The following SUPT3H variants were observed in gnomAD, a reference collection of about 807,000 sequenced individuals.
The protein encoded by SUPT3H is SPT3 homolog, SAGA and STAGA complex component.
Under a neutral mutation model 44.3 loss-of-function variants are expected in SUPT3H, and 44 were observed. That is an observed-to-expected ratio of 0.99 (90% CI 0.78 to 1.28). The LOEUF (loss-of-function observed/expected upper bound fraction) is 1.28. Among genes scored for constraint, SUPT3H ranks in the 50% most tolerant of loss-of-function variants. The probability of loss-of-function intolerance (pLI) is 0.00; values close to 1 mark genes in which losing one functional copy is unlikely to be tolerated. For synonymous variants in SUPT3H, 124 were observed against 125.6 expected, an observed-to-expected ratio of 0.99 and a Z score of 0.09; for missense variants, 380 against 387.1, an observed-to-expected ratio of 0.98 and a Z score of 0.15.
chr6:45,318,204 A>G (rs978460972), intron 2 of SUPT3H, among the ~76,000 whole-genome samples: 1 of 152,140 alleles, frequency 6.6e-6, no homozygotes, highest in African/African-American at 2.4e-5. Context: ...CCACTATTAC[A>G]TACATGTATC....
chr6:45,289,499 T>C (rs1779945565), intron 2 of SUPT3H, among the ~76,000 whole-genome samples: 1 of 152,170 alleles, frequency 6.6e-6, no homozygotes, highest in African/African-American at 2.4e-5. Context: ...TTTAAAGTAA[T>C]TCATAATTTA....
chr6:44,887,035 T>G (rs1305369842), intron 10 of SUPT3H, among the ~76,000 whole-genome samples: 1 of 152,114 alleles, frequency 6.6e-6, no homozygotes, highest in Non-Finnish European at 1.5e-5. Flanking sequence ...CATTACATAA[T>G]GGTAAAGGGA....
chr6:45,065,822 T>C (rs1793193170), intron 3 of SUPT3H, among the ~76,000 whole-genome samples: 1 of 150,648 alleles, frequency 6.6e-6, no homozygotes, highest in African/African-American at 2.4e-5. Flanking sequence ...TAATCGATAG[T>C]TTACCAACCA....
intron 2 of SUPT3H, among the ~76,000 whole-genome samples, chr6:45,178,322 C>G (rs1812409007): frequency 6.6e-6 from 1 of 151,630 alleles, no homozygotes; most frequent in African/African-American, 2.4e-5. Context: ...GAGACAAGGC[C>G]ATTACATAAT....
intron 6 of SUPT3H, among the ~76,000 whole-genome samples, chr6:44,984,490 TG>T (rs1177278319): frequency 3.3e-5 from 5 of 152,152 alleles, no homozygotes; most frequent in African/African-American, 1.2e-4. Flanking sequence ...CCTTATAAAA[TG>T]AGAAATTTGT....
At chr6:45,180,997 A>G (rs1374350611) in intron 2 of SUPT3H, among the ~76,000 whole-genome samples, 4 of 151,484 alleles carry the variant, frequency 2.6e-5, no homozygotes, top group African/African-American at 9.7e-5. Context: ...TCCAGAATCT[A>G]CAATGAACTC....
At chr6:45,044,287 CT>C (rs929028291) in intron 3 of SUPT3H, among the ~76,000 whole-genome samples, 3 of 152,126 alleles carry the variant, frequency 2.0e-5, no homozygotes, top group Middle Eastern at 3.2e-3. Flanking sequence ...CCTTTGAATC[CT>C]TTATCAGGTT....
intron 3 of SUPT3H, among the ~76,000 whole-genome samples, chr6:45,044,803 T>A (rs1789117909): frequency 6.6e-6 from 1 of 152,130 alleles, no homozygotes; most frequent in African/African-American, 2.4e-5. Context: ...TTGGATGGGA[T>A]CTCTTCCAGT....
intron 10 of SUPT3H, among the ~76,000 whole-genome samples, chr6:44,914,777 CA>C (rs1265048063): frequency 2.0e-5 from 3 of 152,260 alleles, no homozygotes; most frequent in Non-Finnish European, 2.9e-5. Flanking sequence ...TACAAATAAA[CA>C]AAAGTATTGT....
intron 10 of SUPT3H, among the ~76,000 whole-genome samples, chr6:44,870,861 C>CAAGGGG (rs1776311753): frequency 6.6e-6 from 1 of 151,792 alleles, no homozygotes; most frequent in African/African-American, 2.4e-5. Context: ...AGGGAGTTCC[C>CAAGGGG]TTTCCGAGTC....
intron 2 of SUPT3H, among the ~76,000 whole-genome samples, chr6:45,219,106 A>G (rs1485775397): frequency 6.6e-6 from 1 of 152,124 alleles, no homozygotes; most frequent in African/African-American, 2.4e-5. Flanking sequence ...AGCTAAAATC[A>G]AGAGGAAAAA....
chr6:44,865,282 A>C (rs1775324137), intron 10 of SUPT3H, among the ~76,000 whole-genome samples: 1 of 152,106 alleles, frequency 6.6e-6, no homozygotes, highest in South Asian at 2.1e-4. Flanking sequence ...ACTTTCCTAC[A>C]TTTTCCTGTC....
chr6:45,117,275 A>G (rs1800982698), intron 2 of SUPT3H, among the ~76,000 whole-genome samples: 1 of 152,132 alleles, frequency 6.6e-6, no homozygotes, highest in Non-Finnish European at 1.5e-5. Flanking sequence ...GAGTTGATCC[A>G]GGTTTCAAGC....
At chr6:45,209,848 A>T (rs554405340) in intron 2 of SUPT3H, among the ~76,000 whole-genome samples, 1 of 152,288 alleles carries the variant, frequency 6.6e-6, no homozygotes, top group African/African-American at 2.4e-5. Context: ...AGCAAAGTTC[A>T]TTGTTGTCTT....
chr6:44,938,508 A>G (rs1487875074), intron 9 of SUPT3H, among the ~76,000 whole-genome samples: 1 of 152,124 alleles, frequency 6.6e-6, no homozygotes, highest in African/African-American at 2.4e-5. Flanking sequence ...AGGAAATGTA[A>G]TGTCTTCAGC....
chr6:45,025,056 T>C (rs1785749755), intron 3 of SUPT3H, among the ~76,000 whole-genome samples: 2 of 152,140 alleles, frequency 1.3e-5, no homozygotes, highest in Non-Finnish European at 2.9e-5. Flanking sequence ...TAATTATAAT[T>C]TATTATCCTT....
At chr6:45,000,081 T>C (rs764512710) in intron 6 of SUPT3H, among the ~76,000 whole-genome samples, 4 of 150,268 alleles carry the variant, frequency 2.7e-5, no homozygotes, top group Non-Finnish European at 5.9e-5. Flanking sequence ...TATAAATGTA[T>C]ATACACAGAT....
chr6:45,206,224 AG>A lies in SUPT3H; in HGVS notation c.102-100219del, dbSNP rs2153628372. On this transcript the variant is annotated intron_variant, in intron 2 of 10. Transcript: ENST00000371459. ...ATATGAATAAATGAATATGTAAATT[AG>A]ATATTTACAGTGTCACACAGAGATA... Among the ~76,000 whole-genome samples, 2 of 152,356 alleles carry A rather than the reference AG, an allele frequency of 1.3e-5. 1 individual carries two copies. Among genetic ancestry groups the A allele is most frequent in the East Asian group, 3.9e-4 (2 of 5,184 alleles).
intron 2 of SUPT3H, among the ~76,000 whole-genome samples, chr6:45,260,598 C>T (rs367636803): frequency 6.6e-6 from 1 of 152,022 alleles, no homozygotes; most frequent in Non-Finnish European, 1.5e-5. Flanking sequence ...ATCTTTTAAT[C>T]TCTACATTTT....
Sources: allele counts gnomAD v4.1 joint callset (sites outside exome capture counted in the v4.1 genomes callset), GRCh38; gene constraint gnomAD v4.1.1; transcripts MANE v1.5; gene names NCBI Gene and HGNC (gene_info 2026-07-23, HGNC 2026-07-21).